Variants in NAV1 observed in about 807,000 individuals in gnomAD.
NAV1 encodes pore membrane and/or filament interacting like protein 3.
A neutral mutation model predicts 175.2 loss-of-function variants in NAV1; 18 were observed. The ratio of observed to expected loss-of-function variants is 0.10; its 90% CI spans 0.07 to 0.15. The LOEUF (loss-of-function observed/expected upper bound fraction) is 0.15. Among genes scored for constraint, NAV1 ranks in the 10% least tolerant of loss-of-function variants. The probability of loss-of-function intolerance (pLI) is 1.00; values close to 1 mark genes in which losing one functional copy is unlikely to be tolerated. For synonymous variants in NAV1, 897 were observed against 978.7 expected, an observed-to-expected ratio of 0.92 and a Z score of 1.56; for missense variants, 1,731 against 2,436.6, an observed-to-expected ratio of 0.71 and a Z score of 6.10.
At chr1:201,713,303 A>G (rs1174704321) in intron 2 of NAV1, among the ~76,000 whole-genome samples, 3 of 152,182 alleles carry the variant, frequency 2.0e-5, no homozygotes, top group Non-Finnish European at 4.4e-5. Flanking sequence ...CTAAGTCTCC[A>G]TTAAACTAGG....
chr1:201,730,859 A>G (rs941562524), intron 3 of NAV1, among the ~76,000 whole-genome samples: 4 of 152,202 alleles, frequency 2.6e-5, no homozygotes, highest in Non-Finnish European at 5.9e-5. Context: ...GTCTCTGGCC[A>G]GGCAGTAAAA....
At chr1:201,757,017 T>C (rs1370254072) in intron 3 of NAV1, among the ~76,000 whole-genome samples, 1 of 152,148 alleles carries the variant, frequency 6.6e-6, no homozygotes, top group African/African-American at 2.4e-5. Context: ...TAAAGTAGGC[T>C]GTCCACAAGA....
At chr1:201,817,240 G>C (rs1679096410) in exon 29 of NAV1, 3 of 1,614,016 alleles carry the variant, frequency 1.9e-6, no homozygotes, top group Admixed American at 1.7e-5. Flanking sequence ...CCGAGGATAG[G>C]ACAGTCAAAG....
intron 1 of NAV1, among the ~76,000 whole-genome samples, chr1:201,554,861 G>A (rs936364255): frequency 6.6e-6 from 1 of 152,178 alleles, no homozygotes; most frequent in Non-Finnish European, 1.5e-5. Context: ...TGAAATCGAG[G>A]TGTTGGCAGG....
At chr1:201,624,935 C>G (rs867755898) in intron 1 of NAV1, among the ~76,000 whole-genome samples, 1 of 152,142 alleles carries the variant, frequency 6.6e-6, no homozygotes, top group Non-Finnish European at 1.5e-5. Flanking sequence ...GGAGCTTTAA[C>G]CTTCAGCAGA....
chr1:201,641,000 C>T (rs1321726475), intron 2 of NAV1, among the ~76,000 whole-genome samples: 1 of 152,188 alleles, frequency 6.6e-6, no homozygotes, highest in Non-Finnish European at 1.5e-5. Context: ...CTGCAGTGAA[C>T]TGCGTGGGGA....
chr1:201,684,777 T>G (rs1276650300), intron 1 of NAV1, among the ~76,000 whole-genome samples: 1 of 151,758 alleles, frequency 6.6e-6, no homozygotes, highest in African/African-American at 2.4e-5. Context: ...GCCCAGCCTA[T>G]GCAGCTTTAA....
intron 2 of NAV1, among the ~76,000 whole-genome samples, chr1:201,590,709 G>A (rs530455093): frequency 6.6e-5 from 10 of 152,354 alleles, no homozygotes; most frequent in Non-Finnish European, 1.2e-4. Flanking sequence ...TCTAGGCCAG[G>A]AGCCAGTGGG....
chr1:201,728,333 T>C (rs2102512687), intron 3 of NAV1, among the ~76,000 whole-genome samples: 1 of 152,174 alleles, frequency 6.6e-6, no homozygotes, highest in African/African-American at 2.4e-5. Flanking sequence ...GGCTCATGCC[T>C]GTAATCCCAG....
intron 1 of NAV1, among the ~76,000 whole-genome samples, chr1:201,651,520 G>T (rs1438979221): frequency 1.3e-5 from 2 of 152,290 alleles, no homozygotes; most frequent in African/African-American, 4.8e-5. Context: ...GACACTTTCA[G>T]TAACCTCGGA....
chr1:201,769,095 C>G (rs1347676684), intron 3 of NAV1, among the ~76,000 whole-genome samples: 1 of 152,208 alleles, frequency 6.6e-6, no homozygotes, highest in African/African-American at 2.4e-5. Flanking sequence ...TTTATGTGCT[C>G]TTTGCCCTGT....
At chr1:201,622,684 A>G (rs1668207419), upstream of NAV1, among the ~76,000 whole-genome samples, 1 of 152,150 alleles carries the variant, frequency 6.6e-6, no homozygotes, top group African/African-American at 2.4e-5. Flanking sequence ...GGATTTGCCC[A>G]GAGTCCAGCG....
chr1:201,784,563 C>T (rs1026950780), intron 7 of NAV1, among the ~76,000 whole-genome samples: 6 of 136,726 alleles, frequency 4.4e-5, no homozygotes, highest in African/African-American at 1.7e-4. Flanking sequence ...TACCATAATA[C>T]GATCTATTTT....
chr1:201,632,548 G>T (rs1035182384), intron 2 of NAV1, among the ~76,000 whole-genome samples: 4 of 152,242 alleles, frequency 2.6e-5, no homozygotes, highest in African/African-American at 9.6e-5. Context: ...ACGTTACCGC[G>T]TGCCCACATG....
intron 3 of NAV1, among the ~76,000 whole-genome samples, chr1:201,748,132 T>C (rs1380742708): frequency 2.0e-5 from 3 of 152,222 alleles, no homozygotes; most frequent in Non-Finnish European, 4.4e-5. Flanking sequence ...TTTGGAATTA[T>C]TACCTTTGCA....
At chr1:201,768,150 C>A (rs1245849491) in intron 3 of NAV1, among the ~76,000 whole-genome samples, 5 of 151,890 alleles carry the variant, frequency 3.3e-5, no homozygotes, top group African/African-American at 1.2e-4. Flanking sequence ...CATGGTGAAA[C>A]CCCATCTCTA....
At chr1:201,652,934 G>A (rs1285775700) in intron 1 of NAV1, among the ~76,000 whole-genome samples, 1 of 152,082 alleles carries the variant, frequency 6.6e-6, no homozygotes, top group Non-Finnish European at 1.5e-5. Flanking sequence ...CCTTAAACGT[G>A]CTCAGAACAC....
At chr1:201,703,669 C>A (rs767766172) in intron 1 of NAV1, among the ~76,000 whole-genome samples, 7 of 152,256 alleles carry the variant, frequency 4.6e-5, no homozygotes, top group African/African-American at 1.7e-4. Context: ...CTCGTCTCCC[C>A]GGCCCAAGTT....
chr1:201,645,894 T>C (rs1668963667), upstream of NAV1, among the ~76,000 whole-genome samples: 2 of 152,336 alleles, frequency 1.3e-5, no homozygotes, highest in South Asian at 4.1e-4. Flanking sequence ...GTGATTGAAT[T>C]AGGGGCATCT....
Sources: allele counts gnomAD v4.1 joint callset (sites outside exome capture counted in the v4.1 genomes callset), GRCh38; gene constraint gnomAD v4.1.1; transcripts MANE v1.5; gene names NCBI Gene and HGNC (gene_info 2026-07-23, HGNC 2026-07-21).